The following KIF1B variants were observed in gnomAD, a reference collection of about 807,000 sequenced individuals.
KIF1B encodes the protein kinesin-like protein KIF1B.
In KIF1B, 76 loss-of-function variants were observed where a neutral mutation model predicts 241.9. That is an observed-to-expected ratio of 0.31 (90% CI 0.26 to 0.38). The LOEUF is 0.38. Among genes scored for constraint, KIF1B ranks in the 10% least tolerant of loss-of-function variants. KIF1B has a pLI of 1.00. For missense variants in KIF1B, 1,622 were observed against 2,271.4 expected (o/e 0.71, Z 5.81); for synonymous variants, 750 against 796.7 (o/e 0.94, Z 0.99).
At chr1:10,267,895 G>A (rs1032835623) in intron 6 of KIF1B, among the ~76,000 whole-genome samples, 4 of 152,184 alleles carry the variant, frequency 2.6e-5, no homozygotes, top group African/African-American at 4.8e-5. Context: ...AAAATTAAAT[G>A]CTTCATTGGT....
intron 14 of KIF1B, 27 bp from the exon 15 acceptor site, chr1:10,282,295 C>G: frequency 6.3e-7 from 1 of 1,576,978 alleles, no homozygotes; most frequent in African/African-American, 1.3e-5. Context: ...CCTACTTTTC[C>G]TGCCTTCTCT....
intron 2 of KIF1B, among the ~76,000 whole-genome samples, chr1:10,254,381 C>T (rs1463882287): frequency 6.6e-6 from 1 of 152,132 alleles, no homozygotes; most frequent in African/African-American, 2.4e-5. Flanking sequence ...ATACCAGGGT[C>T]TTTTCTGAAT....
At chr1:10,261,626 C>G (rs766827175) in intron 4 of KIF1B, among the ~76,000 whole-genome samples, 1 of 152,128 alleles carries the variant, frequency 6.6e-6, no homozygotes, top group East Asian at 1.9e-4. Context: ...TACACAGGGT[C>G]AGGATCATCA....
Position 10,363,098 on chromosome 1 carries a change from G to A in KIF1B, c.4305-185G>A, listed in dbSNP as rs146290433. Among the ~76,000 whole-genome samples, 37 of 151,926 alleles carry A rather than the reference G, an allele frequency of 2.4e-4. 1 individual carries two copies. Among genetic ancestry groups the A allele is most frequent in the Admixed American group, 1.6e-3 (25 of 15,218 alleles). Reference sequence around the variant, plus strand: ...AAAAAAATTAAATTGAGATGAAAGCGGACTCCTCTAGGAAAAGGTATGCTA... The same window carrying A: ...AAAAAAATTAAATTGAGATGAAAGCAGACTCCTCTAGGAAAAGGTATGCTA... On this transcript the variant is annotated intron_variant, in intron 40 of 48. Transcript: ENST00000676179.
At chr1:10,336,429 G>T (rs1320415402) in intron 28 of KIF1B, among the ~76,000 whole-genome samples, 1 of 152,202 alleles carries the variant, frequency 6.6e-6, no homozygotes, top group Non-Finnish European at 1.5e-5. Flanking sequence ...TGACAGGCGT[G>T]AGCCACCGCA....
At chr1:10,368,592 C>A in intron 44 of KIF1B, 54 bp downstream of exon 44, 1 of 1,445,572 alleles carries the variant, frequency 6.9e-7, no homozygotes, top group Non-Finnish European at 9.7e-7. Context: ...GATTTCTCCA[C>A]AGCAGCCCAG....
At chr1:10,306,518 G>A in intron 22 of KIF1B, 2 of 752,006 alleles carry the variant, frequency 2.7e-6, no homozygotes, top group Non-Finnish European at 3.3e-6. Context: ...GGCTGAAGCA[G>A]GAGGATCCCT....
chr1:10,320,429 A>G (rs1651474812), intron 23 of KIF1B, among the ~76,000 whole-genome samples: 1 of 152,220 alleles, frequency 6.6e-6, no homozygotes, highest in Non-Finnish European at 1.5e-5. Flanking sequence ...ATATTGCTGT[A>G]GATGTGACTT....
intron 5 of KIF1B, among the ~76,000 whole-genome samples, chr1:10,266,816 C>T (rs528644623): frequency 6.6e-6 from 1 of 152,226 alleles, no homozygotes; most frequent in East Asian, 1.9e-4. Flanking sequence ...TTTACCTCTC[C>T]CTTACAGAGA....
chr1:10,261,517 C>G (rs1055864315), intron 4 of KIF1B, among the ~76,000 whole-genome samples: 1 of 152,152 alleles, frequency 6.6e-6, no homozygotes, highest in African/African-American at 2.4e-5. Flanking sequence ...GCTGGGATTA[C>G]AGGCATGAGC....
At chr1:10,277,701 A>G (rs1379793022) in intron 12 of KIF1B, among the ~76,000 whole-genome samples, 1 of 152,174 alleles carries the variant, frequency 6.6e-6, no homozygotes, top group African/African-American at 2.4e-5. Flanking sequence ...CCCTTCTTCC[A>G]TGAAAGACAC....
At chr1:10,236,835 T>A (rs1647058006) in intron 2 of KIF1B, among the ~76,000 whole-genome samples, 1 of 152,160 alleles carries the variant, frequency 6.6e-6, no homozygotes, top group Non-Finnish European at 1.5e-5. Context: ...TGGCTTGTTT[T>A]TTTTTTTTTA....
At chr1:10,304,814 C>G in intron 22 of KIF1B, 1 of 1,479,212 alleles carries the variant, frequency 6.8e-7, no homozygotes, top group Non-Finnish European at 8.9e-7. Context: ...CAACACCTCC[C>G]TTTTGCTTGT....
At chr1:10,302,233 A>G (rs916845367) in intron 22 of KIF1B, among the ~76,000 whole-genome samples, 3 of 152,140 alleles carry the variant, frequency 2.0e-5, no homozygotes, top group South Asian at 2.1e-4. Flanking sequence ...TTATTTCTCA[A>G]AATTTTGGAG....
At chr1:10,245,333 G>A (rs1647195231) in intron 2 of KIF1B, among the ~76,000 whole-genome samples, 1 of 152,210 alleles carries the variant, frequency 6.6e-6, no homozygotes. Context: ...TCAAGAAAGA[G>A]AAGATGGTCA....
chr1:10,214,436 C>T (rs1434455629), intron 1 of KIF1B, among the ~76,000 whole-genome samples: 5 of 151,160 alleles, frequency 3.3e-5, no homozygotes, highest in Non-Finnish European at 7.4e-5. Context: ...ATTACAGGCA[C>T]CTGCCACCAT....
intron 1 of KIF1B, among the ~76,000 whole-genome samples, chr1:10,211,264 C>T (rs1048514922): frequency 6.6e-6 from 1 of 152,376 alleles, no homozygotes; most frequent in Non-Finnish European, 1.5e-5. Context: ...CATTTTCCCT[C>T]TCCCCTTTCC....
Position 10,303,320 on chromosome 1 carries a change from T to G in KIF1B, c.2115+6074T>G, listed in dbSNP as rs747676746. 6.2e-7 allele frequency: 1 copy of G among 1,614,150 alleles called. No homozygotes were observed. The highest frequency in any genetic ancestry group is 8.5e-7 in the Non-Finnish European group (1 of 1,180,028). On this transcript the variant is annotated intron_variant, in intron 22 of 48. Transcript: ENST00000676179. This position sits in a 1 kb window ranked among gnomAD's most constrained non-coding sequence, Gnocchi z 5.2. Reference sequence around the variant, plus strand: ...AGCAGTGGGAAGAAACGTGAACCAATTAAAATGTATCAGATACCCCAAAGA... The same window carrying G: ...AGCAGTGGGAAGAAACGTGAACCAAGTAAAATGTATCAGATACCCCAAAGA...
In KIF1B at chr1:10,342,033, A is replaced by C. The variant is rs1553168777; in HGVS notation, c.3514-17A>C. On this transcript the variant is annotated splice_polypyrimidine_tract_variant and intron_variant, in intron 32 of 48. Coordinates refer to ENST00000676179, the MANE Select transcript of KIF1B (RefSeq NM_001365951.3). The stretch of plus-strand genomic sequence containing the variant: ...TGTATTTTCTTGTAATCTTTTCCTA[A>C]TCTTGCTTGGCTTTAGATTGCAGTG... 6.8e-7 allele frequency: 1 copy of C among 1,470,266 alleles called. No individual in the cohort carries two copies. Among genetic ancestry groups the C allele is most frequent in the Admixed American group, 1.7e-5 (1 of 59,818 alleles). 91.1% of individuals were successfully genotyped at this position (1,470,266 alleles called of 1,614,324 possible).
Sources: allele counts gnomAD v4.1 joint callset (sites outside exome capture counted in the v4.1 genomes callset), GRCh38; gene constraint gnomAD v4.1.1; non-coding constraint Gnocchi (gnomAD v3.1); transcripts MANE v1.5; gene names NCBI Gene and HGNC (gene_info 2026-07-23, HGNC 2026-07-21).